Variants in MALRD1 observed in about 807,000 individuals in gnomAD.
The protein encoded by MALRD1 is MAM and LDL receptor class A domain containing 1, also known as MAM and LDL-receptor class A domain-containing protein 1.
Under a neutral mutation model 242.1 loss-of-function variants are expected in MALRD1, and 247 were observed. That is an observed-to-expected ratio of 1.02 (90% CI 0.92 to 1.13). The LOEUF (loss-of-function observed/expected upper bound fraction) is 1.13. Ranked by LOEUF, MALRD1 falls within the 50% of genes most tolerant of loss-of-function variation. MALRD1 has a pLI of 0.00. For synonymous variants in MALRD1, 995 were observed against 866.6 expected, an observed-to-expected ratio of 1.15 and a Z score of -2.60; for missense variants, 2,989 against 2,533.1, an observed-to-expected ratio of 1.18 and a Z score of -3.86.
chr10:19,197,825 CT>C (rs1252669271), intron 14 of MALRD1, among the ~76,000 whole-genome samples: 2 of 152,172 alleles, frequency 1.3e-5, no homozygotes, highest in East Asian at 1.9e-4. Context: ...CCACACCCCC[CT>C]GGCTTTCATA....
At chr10:19,068,888 C>T (rs1835058507) in intron 2 of MALRD1, among the ~76,000 whole-genome samples, 1 of 152,056 alleles carries the variant, frequency 6.6e-6, no homozygotes, top group African/African-American at 2.4e-5. Context: ...ACATTAAAAA[C>T]ATCACTGTTG....
intron 18 of MALRD1, among the ~76,000 whole-genome samples, chr10:19,215,403 C>A (rs1261184693): frequency 1.3e-5 from 2 of 152,206 alleles, no homozygotes; most frequent in Non-Finnish European, 2.9e-5. Flanking sequence ...AGGGCACAAA[C>A]AAGGTTAATT....
intron 31 of MALRD1, among the ~76,000 whole-genome samples, chr10:19,504,146 CTG>C (rs1838093904): frequency 6.6e-6 from 1 of 152,170 alleles, no homozygotes; most frequent in African/African-American, 2.4e-5. Flanking sequence ...CAGATGATAA[CTG>C]TACTTCCTAT....
chr10:19,577,547 G>A (rs539308248), intron 33 of MALRD1, among the ~76,000 whole-genome samples: 73 of 152,170 alleles, frequency 4.8e-4, no homozygotes, highest in African/African-American at 1.7e-3. Context: ...GAATTAGGAG[G>A]AGGAACTCCA....
Position 19,094,135 on chromosome 10 carries a change from C to T in MALRD1, c.597+5950C>T, listed in dbSNP as rs1333934390. Among the ~76,000 whole-genome samples the T allele has an allele frequency of 1.2e-3, 135 of 108,154 alleles. 4 individuals carry two copies. The highest frequency in any genetic ancestry group is 9.8e-3 in the Middle Eastern group (2 of 204). 71.0% of individuals were successfully genotyped at this position (108,154 alleles called of 152,430 possible). ...TGGGCTCCACCCAGTTGGAGCTTCC[C>T]GGCTGCTTTGTTTACCTAAGCAAGC... On this transcript the variant is annotated intron_variant, in intron 4 of 39. Coordinates refer to ENST00000454679, the MANE Select transcript of MALRD1 (RefSeq NM_001142308.3).
intron 26 of MALRD1, among the ~76,000 whole-genome samples, chr10:19,375,542 A>G (rs1845558972): frequency 1.3e-5 from 2 of 152,132 alleles, no homozygotes; most frequent in African/African-American, 4.8e-5. Flanking sequence ...TCCTCACCAT[A>G]CTGTCACCCG....
chr10:19,383,503 A>T (rs1482766451), intron 26 of MALRD1, among the ~76,000 whole-genome samples: 1 of 152,050 alleles, frequency 6.6e-6, no homozygotes, highest in Non-Finnish European at 1.5e-5. Context: ...TAGTGCTGTG[A>T]TGATCATGAA....
chr10:19,619,749 G>T (rs1818629134), intron 36 of MALRD1, among the ~76,000 whole-genome samples: 1 of 151,950 alleles, frequency 6.6e-6, no homozygotes, highest in Non-Finnish European at 1.5e-5. Flanking sequence ...TCTTTTGCAA[G>T]AATTTATATT....
intron 36 of MALRD1, among the ~76,000 whole-genome samples, chr10:19,684,198 C>G (rs752426016): frequency 3.3e-5 from 5 of 152,168 alleles, no homozygotes; most frequent in Non-Finnish European, 4.4e-5. Flanking sequence ...AAATCTCCAT[C>G]AGATTGCACC....
In MALRD1 at chr10:19,262,655, C is replaced by CAAA. The variant is rs34247984; in HGVS notation, c.3079+4900_3079+4902dup. 5.7e-4 allele frequency among the ~76,000 whole-genome samples: 56 copies of CAAA among 97,524 alleles called. 1 individual carries two copies. The highest frequency in any genetic ancestry group is 2.1e-3 in the African/African-American group (56 of 26,114). 64.0% of individuals were successfully genotyped at this position (97,524 alleles called of 152,430 possible). A position where few individuals can be genotyped will look rare whatever the true frequency, so the allele number is the denominator to read the frequency against. On this transcript the variant is annotated intron_variant, in intron 19 of 39. Transcript: ENST00000454679. ...TGCGCGACAGAGCAAGAGTCTGTCTCAAAAAAAAAAAAAAAAAAGCACTTA... is the reference window on the plus strand; with the variant it reads ...TGCGCGACAGAGCAAGAGTCTGTCTCAAAAAAAAAAAAAAAAAAAAAGCACTTA...
At chr10:19,658,608 G>A (rs1273165039) in intron 36 of MALRD1, among the ~76,000 whole-genome samples, 1 of 152,086 alleles carries the variant, frequency 6.6e-6, no homozygotes, top group East Asian at 1.9e-4. Flanking sequence ...CAAAAGCTGG[G>A]CTATTTCTCT....
intron 10 of MALRD1, among the ~76,000 whole-genome samples, chr10:19,137,045 C>T (rs964270436): frequency 1.2e-4 from 18 of 152,010 alleles, no homozygotes; most frequent in Non-Finnish European, 2.4e-4. Context: ...GCTGGGTGTG[C>T]GAATGTGTGT....
At chr10:19,671,397 C>A (rs770284457) in intron 36 of MALRD1, among the ~76,000 whole-genome samples, 6 of 152,096 alleles carry the variant, frequency 3.9e-5, no homozygotes, top group Non-Finnish European at 5.9e-5. Flanking sequence ...GTGGGTGGAT[C>A]ACCTGAGGTT....
In MALRD1 at chr10:19,387,711, T is replaced by C; in HGVS notation, c.4625T>C (p.Leu1542Ser). Residue 1542 changes from leucine to serine, a missense_variant, in exon 27 of 40, where the codon TTA becomes TCA. Leu to Ser is a moderately radical substitution (Grantham distance 145). Coordinates refer to ENST00000454679, the MANE Select transcript of MALRD1 (RefSeq NM_001142308.3). Reference protein sequence around the residue: ...NSQADNFDWVLGVGSHQSLRP... With the variant: ...NSQADNFDWVSGVGSHQSLRP... ...CAGGCTGACAACTTTGATTGGGTTT[T>C]AGGGGTTGGCTCTCATCAAAGCTTA... The C allele has an allele frequency of 1.3e-6, 2 of 1,550,486 alleles. No individual in the cohort carries two copies. The highest frequency in any genetic ancestry group is 1.7e-6 in the Non-Finnish European group (2 of 1,146,870).
chr10:19,320,822 A>T (rs952059271), intron 21 of MALRD1, among the ~76,000 whole-genome samples: 4 of 151,872 alleles, frequency 2.6e-5, no homozygotes, highest in African/African-American at 9.7e-5. Flanking sequence ...TTCGCTAATG[A>T]CCTGTGATGA....
chr10:19,732,053 G>A (rs958646990), intron 39 of MALRD1, among the ~76,000 whole-genome samples: 42 of 152,088 alleles, frequency 2.8e-4, no homozygotes, highest in African/African-American at 9.6e-4. Flanking sequence ...GAATGAAAAC[G>A]GGAAGTAAAT....
rs942675825 is a variant in MALRD1, at chr10:19,209,369, C to A, written c.2680C>A (p.Leu894Ile). Residue 894 changes from leucine (L) to isoleucine (I), a missense_variant, in exon 18 of 40, where the codon CTT becomes ATT. Coordinates refer to ENST00000454679, the MANE Select transcript of MALRD1 (RefSeq NM_001142308.3). The stretch of plus-strand genomic sequence containing the variant: ...CAGGAGCCAGGGTCCAACTCCAACA[C>A]TTAACACAGGGCCAATGAAAGATAA... ...WTRSQGPTPT[L>I]NTGPMKDNTL... The A allele has an allele frequency of 6.4e-7, 1 of 1,550,816 alleles. No individual in the cohort carries two copies.
chr10:19,049,907 A>G (rs1834434095), intron 1 of MALRD1, among the ~76,000 whole-genome samples: 1 of 152,116 alleles, frequency 6.6e-6, no homozygotes, highest in Non-Finnish European at 1.5e-5. Context: ...TTCAGGGTTC[A>G]CCATATTTCA....
At chr10:19,202,774 T>C (rs1367360980) in intron 14 of MALRD1, among the ~76,000 whole-genome samples, 2 of 152,152 alleles carry the variant, frequency 1.3e-5, no homozygotes, top group Non-Finnish European at 2.9e-5. Context: ...CAAATTCAGA[T>C]TATACCTTTT....
Sources: gnomAD v4.1 joint callset for allele counts (sites outside exome capture counted in the v4.1 genomes callset) on GRCh38, gnomAD v4.1.1 for gene constraint, MANE v1.5 for transcripts, NCBI Gene and HGNC (gene_info 2026-07-23, HGNC 2026-07-21) for gene names.